The following ERBIN variants were observed in gnomAD, a reference collection of about 807,000 sequenced individuals.
ERBIN encodes the protein densin-180-like protein.
In ERBIN, 60 loss-of-function variants were observed where a neutral mutation model predicts 158.4. The observed-to-expected ratio is 0.38, with a 90% CI of 0.31 to 0.47. The LOEUF (loss-of-function observed/expected upper bound fraction) is 0.47, where lower values mean the gene tolerates loss of function less well. ERBIN is among the 20% of genes least tolerant of loss of function. The pLI is 0.99. For synonymous variants in ERBIN, 594 were observed against 557.2 expected, an observed-to-expected ratio of 1.07 and a Z score of -0.93; for missense variants, 1,610 against 1,648.0, an observed-to-expected ratio of 0.98 and a Z score of 0.40.
In ERBIN at chr5:66,025,563, T is replaced by A. The variant is rs998501903; in HGVS notation, c.890+11T>A. The A allele has an allele frequency of 6.3e-7, 1 of 1,591,216 alleles. No individual in the cohort carries two copies. Among genetic ancestry groups the A allele is most frequent in the African/African-American group, 1.3e-5 (1 of 74,476 alleles). ...AGACTCTATAGGAGGGTAAGTTTTT[T>A]GTGAATGTATACACCCTCGAAGATT... On this transcript the variant is annotated intron_variant, in intron 11 of 25. Coordinates refer to ENST00000284037, the MANE Select transcript of ERBIN (RefSeq NM_001253697.2).
intron 4 of ERBIN, among the ~76,000 whole-genome samples, chr5:65,995,253 C>A (rs76820312): frequency 0.073 from 11,155 of 152,074 alleles, 597 homozygotes; most frequent in Non-Finnish European, 0.1. Flanking sequence ...AAATCTTATA[C>A]CCTTTGAACA....
At chr5:65,989,473 A>C (rs187839234) in intron 2 of ERBIN, among the ~76,000 whole-genome samples, 86 of 151,812 alleles carry the variant, frequency 5.7e-4, no homozygotes, top group African/African-American at 2.1e-3. Context: ...TGAGATTTCA[A>C]CTCTATTTAG....
chr5:66,059,511 T>G (rs558624607), intron 21 of ERBIN, among the ~76,000 whole-genome samples: 1 of 152,376 alleles, frequency 6.6e-6, no homozygotes, highest in African/African-American at 2.4e-5. Flanking sequence ...CCTCTTTTCC[T>G]AATTGAATAC....
At position 65,992,880 on chromosome 5, in the gene ERBIN, T is replaced by C; in HGVS notation, c.162T>C (p.Asp54=). 1 of 1,607,182 alleles carries C rather than the reference T, an allele frequency of 6.2e-7. No homozygotes were observed. The highest frequency in any genetic ancestry group is 1.3e-5 in the African/African-American group (1 of 74,612). The part of the protein sequence containing the change: ...FEKTLEELYL[D]ANQIEELPKQ... Reference sequence around the variant, plus strand: ...AAACCTTGGAGGAACTCTATTTAGATGCTAATCAGATTGAAGAGCTTCCAA... The same window carrying C: ...AAACCTTGGAGGAACTCTATTTAGACGCTAATCAGATTGAAGAGCTTCCAA... The change falls in exon 3 of 26, where the codon GAT becomes GAC. Residue 54 remains aspartate (D), a synonymous_variant. Transcript: ENST00000284037.
rs1389748743 is a variant in ERBIN at position 66,081,402 on chromosome 5, G to A, written c.*2872G>A. The A allele has an allele frequency of 6.6e-6, 1 of 151,896 alleles. No homozygotes were observed. Among genetic ancestry groups the A allele is most frequent in the South Asian group, 2.1e-4 (1 of 4,830 alleles). 9.4% of individuals were successfully genotyped at this position (151,896 alleles called of 1,614,324 possible). ...TTAAACACAAAACTTGCCATAAGCA[G>A]AACCAAACTTTTAAGTATTAATTTG... On this transcript the variant is annotated 3_prime_UTR_variant, in exon 26 of 26. Transcript: ENST00000284037.
At chr5:65,989,077 A>G (rs932088933) in intron 2 of ERBIN, among the ~76,000 whole-genome samples, 1 of 146,838 alleles carries the variant, frequency 6.8e-6, no homozygotes, top group African/African-American at 2.5e-5. Context: ...TTATGTCTAC[A>G]GTGTTACTTC....
chr5:65,941,529 C>G (rs1013983981), intron 1 of ERBIN, among the ~76,000 whole-genome samples: 1 of 151,986 alleles, frequency 6.6e-6, no homozygotes, highest in Non-Finnish European at 1.5e-5. Flanking sequence ...TGGAACTAAT[C>G]CCCCATAGAT....
At chr5:66,028,056 A>G (rs1756464367) in intron 13 of ERBIN, among the ~76,000 whole-genome samples, 1 of 152,130 alleles carries the variant, frequency 6.6e-6, no homozygotes, top group African/African-American at 2.4e-5. Flanking sequence ...AATTGATTCA[A>G]TTGAAGAATT....
intron 21 of ERBIN, chr5:66,068,860 A>T (rs1028102271): frequency 4.0e-6 from 6 of 1,509,654 alleles, no homozygotes; most frequent in Admixed American, 2.1e-5. Context: ...TGTTAAATCT[A>T]TCCCCTCTTT....
chr5:66,007,110 T>C (rs1224919917), intron 4 of ERBIN, among the ~76,000 whole-genome samples: 1 of 152,076 alleles, frequency 6.6e-6, no homozygotes, highest in Non-Finnish European at 1.5e-5. Context: ...TGTGGCACTC[T>C]TCACAATAGC....
intron 1 of ERBIN, among the ~76,000 whole-genome samples, chr5:65,950,226 C>T (rs1038151225): frequency 3.8e-4 from 57 of 151,300 alleles, no homozygotes; most frequent in African/African-American, 1.3e-3. Flanking sequence ...AGGATGGTCT[C>T]GATCTCCTGA....
At chr5:66,016,558 C>T (rs1249568834) in intron 7 of ERBIN, among the ~76,000 whole-genome samples, 2 of 151,822 alleles carry the variant, frequency 1.3e-5, no homozygotes, top group Non-Finnish European at 2.9e-5. Context: ...ATTCTTTCCT[C>T]CCCACTACCC....
chr5:66,078,276 C>A, intron 25 of ERBIN, 147 bp from the exon 26 acceptor site: 1 of 606,352 alleles, frequency 1.6e-6, no homozygotes, highest in Non-Finnish European at 2.9e-6. Flanking sequence ...GACTTTATTC[C>A]TTGGTTTGGG....
chr5:66,074,129 A>G (rs945648581), intron 22 of ERBIN, among the ~76,000 whole-genome samples: 1 of 148,456 alleles, frequency 6.7e-6, no homozygotes, highest in African/African-American at 2.5e-5. Flanking sequence ...GCCTGAAGCA[A>G]TCCTCCTGTA....
At chr5:65,957,821 G>A (rs948890935) in intron 1 of ERBIN, among the ~76,000 whole-genome samples, 7 of 151,920 alleles carry the variant, frequency 4.6e-5, no homozygotes, top group African/African-American at 7.3e-5. Context: ...CCTCCCGGAC[G>A]GGGCGGCTGC....
rs748373996 is a variant in ERBIN, at chr5:66,050,812, G to C, written c.1933G>C (p.Asp645His). ...DDTKETDSLS[D>H]EVTHNSNQNN... ...TACAAAGGAAACAGATTCTTTATCA[G>C]ATGAAGTTACACACAATAGCAATCA... is the stretch of plus-strand genomic sequence containing the variant. The change falls in exon 20 of 26, where the codon GAT becomes CAT. Residue 645 changes from aspartate to histidine, a missense_variant. Physicochemically the swap from Asp to His is moderately conservative, Grantham distance 81. This residue lies in a region of ERBIN where 1,014 missense variants were observed against 936.1 expected (regional missense o/e 1.08). Transcript: ENST00000284037. The C allele has an allele frequency of 1.9e-6, 3 of 1,566,806 alleles. No homozygotes were observed. Among genetic ancestry groups the C allele is most frequent in the Admixed American group, 2.0e-5 (1 of 48,888 alleles).
intron 7 of ERBIN, among the ~76,000 whole-genome samples, chr5:66,018,593 ATATATAT>A (rs1322714207): frequency 1.2e-4 from 1 of 8,658 alleles, no homozygotes; most frequent in Non-Finnish European, 2.3e-4. Flanking sequence ...ATATTATATA[ATATATAT>A]TATATATACA....
chr5:66,074,314 A>G (rs2151304605), intron 22 of ERBIN, among the ~76,000 whole-genome samples: 1 of 152,274 alleles, frequency 6.6e-6, no homozygotes, highest in East Asian at 1.9e-4. Context: ...ATAGTTCTCT[A>G]ACAACAACAA....
intron 21 of ERBIN, among the ~76,000 whole-genome samples, chr5:66,057,775 T>C (rs1466942644): frequency 1.3e-5 from 2 of 150,054 alleles, no homozygotes; most frequent in Admixed American, 6.7e-5. Flanking sequence ...TTGTTCAATT[T>C]CCACCTGTGA....
Sources: gnomAD v4.1 joint callset for allele counts (sites outside exome capture counted in the v4.1 genomes callset) on GRCh38, gnomAD v4.1.1 for gene constraint, gnomAD v4.1.1 regional missense constraint, MANE v1.5 for transcripts, NCBI Gene and HGNC (gene_info 2026-07-23, HGNC 2026-07-21) for gene names.